The following R3HDM1 variants were observed in gnomAD, a reference collection of about 807,000 sequenced individuals.
The protein encoded by R3HDM1 is R3H domain containing 1.
In R3HDM1, 46 loss-of-function variants were observed where a neutral mutation model predicts 141.1. The ratio of observed to expected loss-of-function variants is 0.33; its 90% CI spans 0.26 to 0.42. The LOEUF is 0.42. Ranked by LOEUF, R3HDM1 falls within the 10% of genes least tolerant of loss-of-function variation. The probability of loss-of-function intolerance (pLI) is 1.00; values close to 1 mark genes in which losing one functional copy is unlikely to be tolerated. For missense variants in R3HDM1, 1,184 were observed against 1,368.3 expected, an observed-to-expected ratio of 0.87 and a Z score of 2.12; for synonymous variants, 435 against 472.9, an observed-to-expected ratio of 0.92 and a Z score of 1.04.
At chr2:135,594,986 C>G (rs914753101) in intron 1 of R3HDM1, among the ~76,000 whole-genome samples, 14 of 151,900 alleles carry the variant, frequency 9.2e-5, no homozygotes, top group South Asian at 6.3e-4. Flanking sequence ...CACCCCCCCC[C>G]CTTTTCAATG....
intron 1 of R3HDM1, among the ~76,000 whole-genome samples, chr2:135,548,768 G>T (rs181620778): frequency 2.0e-5 from 3 of 152,086 alleles, no homozygotes; most frequent in Admixed American, 1.3e-4. Flanking sequence ...TTACAGAATC[G>T]TATTTTATTA....
At chr2:135,610,762 A>T (rs1020799247) in intron 3 of R3HDM1, among the ~76,000 whole-genome samples, 2 of 152,188 alleles carry the variant, frequency 1.3e-5, no homozygotes, top group African/African-American at 4.8e-5. Context: ...AAGTCTCTTT[A>T]TATAAAATCA....
At chr2:135,623,875 A>G (rs2061737686) in intron 7 of R3HDM1, among the ~76,000 whole-genome samples, 1 of 152,234 alleles carries the variant, frequency 6.6e-6, no homozygotes, top group African/African-American at 2.4e-5. Context: ...AGGTGCTGTA[A>G]TAGCCAGAGA....
At chr2:135,662,664 G>A (rs1340776465) in intron 19 of R3HDM1, among the ~76,000 whole-genome samples, 1 of 152,080 alleles carries the variant, frequency 6.6e-6, no homozygotes, top group Admixed American at 6.6e-5. Context: ...CACAGTCCAC[G>A]TCAAATAATG....
At position 135,675,316 on chromosome 2, in the gene R3HDM1, C is replaced by A; in HGVS notation, c.2153-16C>A. 1.9e-6 allele frequency: 3 copies of A among 1,607,190 alleles called. No individual in the cohort carries two copies. The highest frequency in any genetic ancestry group is 1.7e-6 in the Non-Finnish European group (2 of 1,175,732). Reference sequence around the variant, plus strand: ...AATGAATTCAGAGCAGGATTTAACTCATTGTACCATTACAGGTTATCAAGT... The same window carrying A: ...AATGAATTCAGAGCAGGATTTAACTAATTGTACCATTACAGGTTATCAAGT... On this transcript the variant is annotated splice_polypyrimidine_tract_variant and intron_variant, in intron 19 of 26. Transcript: ENST00000683871.
At chr2:135,708,103 TCTCC>T in intron 21 of R3HDM1, among the ~76,000 whole-genome samples, 1 of 152,326 alleles carries the variant, frequency 6.6e-6, no homozygotes, top group East Asian at 1.9e-4. Context: ...CTCTGCCTCT[TCTCC>T]CTCCAATATT....
At chr2:135,714,541 G>C (rs1202899456) in intron 23 of R3HDM1, among the ~76,000 whole-genome samples, 1 of 152,154 alleles carries the variant, frequency 6.6e-6, no homozygotes, top group African/African-American at 2.4e-5. Context: ...TTTGCTATAA[G>C]GGACATTAGT....
At chr2:135,629,329 A>G (rs548143148) in intron 7 of R3HDM1, among the ~76,000 whole-genome samples, 1 of 152,072 alleles carries the variant, frequency 6.6e-6, no homozygotes, top group East Asian at 1.9e-4. Flanking sequence ...CAAACAAACA[A>G]ACAAACAAAA....
intron 1 of R3HDM1, among the ~76,000 whole-genome samples, chr2:135,553,066 C>T (rs1470715731): frequency 1.3e-5 from 2 of 152,094 alleles, no homozygotes; most frequent in Non-Finnish European, 2.9e-5. Flanking sequence ...GACAGGGTCT[C>T]ACTGTGTTGC....
At chr2:135,621,447 G>T in intron 5 of R3HDM1, 47 bp from the exon 6 acceptor site, 1 of 1,181,326 alleles carries the variant, frequency 8.5e-7, no homozygotes, top group Non-Finnish European at 1.2e-6. Context: ...GGTATTAAAT[G>T]AATTGTATTG....
chr2:135,543,967 A>G (rs1559091768), intron 1 of R3HDM1, among the ~76,000 whole-genome samples: 1 of 152,346 alleles, frequency 6.6e-6, no homozygotes, highest in East Asian at 1.9e-4. Context: ...TCAGAGACCT[A>G]ATTGAAATTC....
At chr2:135,621,947 C>T (rs1487392777) in intron 6 of R3HDM1, 84 of 982,694 alleles carry the variant, frequency 8.5e-5, no homozygotes, top group Non-Finnish European at 9.9e-5. Context: ...GTACAAAGAG[C>T]TGATGTCATA....
At chr2:135,646,395 A>G (rs888159159) in intron 16 of R3HDM1, among the ~76,000 whole-genome samples, 1 of 150,654 alleles carries the variant, frequency 6.6e-6, no homozygotes, top group East Asian at 2.0e-4. Flanking sequence ...TCGGCCTCCC[A>G]AAGTGCTGGG....
intron 18 of R3HDM1, among the ~76,000 whole-genome samples, chr2:135,659,719 T>A (rs2066445923): frequency 6.6e-6 from 1 of 152,200 alleles, no homozygotes; most frequent in African/African-American, 2.4e-5. Flanking sequence ...AGTACAGGCG[T>A]CAGCTGCCAT....
At chr2:135,621,651 T>G in intron 6 of R3HDM1, 43 bp downstream of exon 6, 1 of 1,477,764 alleles carries the variant, frequency 6.8e-7, no homozygotes, top group Non-Finnish European at 9.1e-7. Flanking sequence ...AATTTTGCTA[T>G]CAGTAATTCC....
chr2:135,566,350 T>C (rs2104977491), intron 1 of R3HDM1, among the ~76,000 whole-genome samples: 1 of 152,322 alleles, frequency 6.6e-6, no homozygotes, highest in Non-Finnish European at 1.5e-5. Context: ...TGTAAAACTC[T>C]TTGTACTATC....
intron 1 of R3HDM1, among the ~76,000 whole-genome samples, chr2:135,569,340 A>G (rs1265420809): frequency 6.6e-6 from 1 of 152,030 alleles, no homozygotes; most frequent in Non-Finnish European, 1.5e-5. Context: ...AAAATTAGCC[A>G]GGCATGGTGG....
intron 1 of R3HDM1, among the ~76,000 whole-genome samples, chr2:135,552,310 C>T (rs1699982773): frequency 2.0e-5 from 3 of 152,104 alleles, no homozygotes; most frequent in African/African-American, 4.8e-5. Flanking sequence ...ATTCTCCCCC[C>T]TCAGCCTCCC....
At chr2:135,719,436 C>A (rs1472529361) in intron 24 of R3HDM1, among the ~76,000 whole-genome samples, 3 of 151,552 alleles carry the variant, frequency 2.0e-5, no homozygotes, top group African/African-American at 7.3e-5. Flanking sequence ...AGAGATGGTG[C>A]CACTGCACTC....
Sources: gnomAD v4.1 joint callset for allele counts (sites outside exome capture counted in the v4.1 genomes callset) on GRCh38, gnomAD v4.1.1 for gene constraint, MANE v1.5 for transcripts, NCBI Gene and HGNC (gene_info 2026-07-23, HGNC 2026-07-21) for gene names.